GALNT11: variants seen among roughly 807,000 people sequenced by gnomAD.
GALNT11 encodes polypeptide N-acetylgalactosaminyltransferase 11.
GALNT11 carries 47 observed loss-of-function variants against 72.7 expected under a neutral mutation model. The observed-to-expected ratio is 0.65, with a 90% CI of 0.51 to 0.82. GALNT11 has a LOEUF of 0.82. GALNT11 is among the 40% of genes least tolerant of loss of function. GALNT11 has a pLI of 0.00. For synonymous variants in GALNT11, 270 were observed against 286.6 expected (o/e 0.94, Z 0.58); for missense variants, 677 against 778.4 (o/e 0.87, Z 1.55).
chr7:152,029,952 A>G (rs866744597), intron 1 of GALNT11, among the ~76,000 whole-genome samples: 2 of 152,276 alleles, frequency 1.3e-5, no homozygotes, highest in African/African-American at 4.8e-5. Flanking sequence ...TTACACTGAC[A>G]ACAAGGTGGT....
At chr7:152,120,451 C>T (rs1016917632) in intron 10 of GALNT11, 6 of 193,382 alleles carry the variant, frequency 3.1e-5, no homozygotes, top group Non-Finnish European at 6.3e-5. Flanking sequence ...GAGGCATCGA[C>T]GAAAATGGCA....
chr7:152,025,829 GA>G lies in GALNT11; in HGVS notation c.-92del. The G allele has an allele frequency of 3.5e-6, 1 of 283,504 alleles. No homozygotes were observed. The highest frequency in any genetic ancestry group is 2.7e-5 in the South Asian group (1 of 36,572). The allele number at this position is 283,504 out of a possible 1,614,324, so 17.6% of individuals were successfully genotyped here. Reference sequence around the variant, plus strand: ...GTCGGACTGGGGCTGTGGCGGGAGAGAAGATGCCGCAGCCCGAGTCCCAGAA... The same window carrying G: ...GTCGGACTGGGGCTGTGGCGGGAGAGAGATGCCGCAGCCCGAGTCCCAGAA... On this transcript the variant is annotated 5_prime_UTR_variant, in exon 1 of 12. Coordinates refer to ENST00000430044, the MANE Select transcript of GALNT11 (RefSeq NM_022087.4).
At chr7:152,047,749 GTAAA>G (rs749669537) in intron 1 of GALNT11, among the ~76,000 whole-genome samples, 16 of 150,766 alleles carry the variant, frequency 1.1e-4, no homozygotes, top group Admixed American at 2.6e-4. Flanking sequence ...ATATAAATAA[GTAAA>G]TAAATATATT....
intron 1 of GALNT11, among the ~76,000 whole-genome samples, chr7:152,035,960 C>G (rs7801249): frequency 0.15 from 23,296 of 152,050 alleles, 4,298 homozygotes; most frequent in African/African-American, 0.44. Context: ...GTGTCTTCTG[C>G]CCAGCTCTCT....
At position 152,094,650 on chromosome 7, in the gene GALNT11, C is replaced by A; in HGVS notation, c.295+128C>A. On this transcript the variant is annotated intron_variant, in intron 2 of 11. Coordinates refer to ENST00000430044, the MANE Select transcript of GALNT11 (RefSeq NM_022087.4). This position sits in a 1 kb window ranked among gnomAD's most constrained non-coding sequence, Gnocchi z 4.3. ...CCCACTGATTTATTTTGTTTGTGAA[C>A]TACCTGAAGTTCTGTGGTTTCTGCA... 1 of 1,083,850 alleles carries A rather than the reference C, an allele frequency of 9.2e-7. No individual in the cohort carries two copies. The highest frequency in any genetic ancestry group is 1.3e-6 in the Non-Finnish European group (1 of 778,428). The allele number at this position is 1,083,850 out of a possible 1,614,324, so 67.1% of individuals were successfully genotyped here.
intron 1 of GALNT11, among the ~76,000 whole-genome samples, chr7:152,026,521 TC>T (rs1247217919): frequency 1.3e-5 from 2 of 152,234 alleles, no homozygotes; most frequent in Non-Finnish European, 2.9e-5. Context: ...CAGCTTGTCT[TC>T]GCAGGTGAGG....
intron 1 of GALNT11, among the ~76,000 whole-genome samples, chr7:152,028,152 T>C (rs2082124288): frequency 1.3e-5 from 2 of 152,268 alleles, no homozygotes; most frequent in South Asian, 2.1e-4. Context: ...TTCCACAGCA[T>C]GGAAGGGGAC....
At chr7:152,110,454 G>A (rs991134948) in intron 6 of GALNT11, 74 bp from the exon 7 acceptor site, 3 of 995,446 alleles carry the variant, frequency 3.0e-6, no homozygotes, top group East Asian at 4.8e-5. Flanking sequence ...AAATGACACT[G>A]AGTATTTTAA....
At chr7:152,067,656 C>A (rs903100803) in intron 1 of GALNT11, among the ~76,000 whole-genome samples, 2 of 152,050 alleles carry the variant, frequency 1.3e-5, no homozygotes, top group Admixed American at 1.3e-4. Context: ...ATTTCCTGTC[C>A]CAGTCTTAGA....
In GALNT11 at chr7:152,113,361, C is replaced by T; in HGVS notation, c.1196C>T (p.Ser399Phe). Residue 399 changes from serine (S) to phenylalanine (F), a missense_variant, in exon 8 of 12, where the codon TCT becomes TTT. Coordinates refer to ENST00000430044, the MANE Select transcript of GALNT11 (RefSeq NM_022087.4). ...PEGQDTMTHN[S>F]LRLAHVWLDE... is the part of the protein sequence containing the mutation. ...GGCCAGGACACCATGACACACAACTCTTTGCGGCTGGCACATGTCTGGTTG... is the reference window on the plus strand; with the variant it reads ...GGCCAGGACACCATGACACACAACTTTTTGCGGCTGGCACATGTCTGGTTG... The T allele has an allele frequency of 6.2e-7, 1 of 1,613,986 alleles. No individual in the cohort carries two copies. Among genetic ancestry groups the T allele is most frequent in the Non-Finnish European group, 8.5e-7 (1 of 1,179,990 alleles).
chr7:152,069,418 G>A (rs1217038754), intron 1 of GALNT11, among the ~76,000 whole-genome samples: 2 of 152,152 alleles, frequency 1.3e-5, no homozygotes, highest in East Asian at 1.9e-4. Context: ...TTCTATAAAC[G>A]TCATTTAGAT....
At chr7:152,073,757 C>T (rs1012390067) in intron 1 of GALNT11, among the ~76,000 whole-genome samples, 1 of 152,114 alleles carries the variant, frequency 6.6e-6, no homozygotes, top group Non-Finnish European at 1.5e-5. Context: ...TATTCTCACC[C>T]GCAGAGTGTA....
intron 1 of GALNT11, among the ~76,000 whole-genome samples, chr7:152,056,201 C>G (rs1175904479): frequency 6.6e-6 from 1 of 152,218 alleles, no homozygotes; most frequent in Non-Finnish European, 1.5e-5. Context: ...CCAGCCCCAG[C>G]ATCACAGAAC....
intron 1 of GALNT11, among the ~76,000 whole-genome samples, chr7:152,063,448 G>A (rs978146846): frequency 3.9e-5 from 6 of 151,994 alleles, no homozygotes; most frequent in Admixed American, 1.3e-4. Context: ...AGGGTTTTTT[G>A]TGTCTCTATC....
intron 1 of GALNT11, among the ~76,000 whole-genome samples, chr7:152,033,059 C>T (rs10238954): frequency 0.033 from 4,980 of 152,200 alleles, 273 homozygotes; most frequent in African/African-American, 0.11. Flanking sequence ...TAAATGTACC[C>T]GGGGCTCAGT....
At chr7:152,090,165 C>CT (rs1216693159) in intron 1 of GALNT11, among the ~76,000 whole-genome samples, 1 of 152,192 alleles carries the variant, frequency 6.6e-6, no homozygotes, top group African/African-American at 2.4e-5. Context: ...CTAAAGTTAG[C>CT]TTGGCATACA....
chr7:152,051,173 C>T (rs1342971534), intron 1 of GALNT11, among the ~76,000 whole-genome samples: 3 of 132,020 alleles, frequency 2.3e-5, no homozygotes, highest in Non-Finnish European at 4.6e-5. Context: ...CTGGCTCTGC[C>T]TTTCCTCCTA....
At chr7:152,089,067 T>G (rs554359964) in intron 1 of GALNT11, among the ~76,000 whole-genome samples, 1 of 152,298 alleles carries the variant, frequency 6.6e-6, no homozygotes, top group East Asian at 1.9e-4. Flanking sequence ...GCAGGAGAAC[T>G]GGGCTTATCA....
intron 1 of GALNT11, among the ~76,000 whole-genome samples, chr7:152,050,205 G>A (rs1423395841): frequency 6.6e-6 from 1 of 152,016 alleles, no homozygotes; most frequent in African/African-American, 2.4e-5. Flanking sequence ...CCACATCTGG[G>A]AGTGTGCTGG....
Sources: gnomAD v4.1 joint callset for allele counts (sites outside exome capture counted in the v4.1 genomes callset) on GRCh38, gnomAD v4.1.1 for gene constraint, Gnocchi (gnomAD v3.1) non-coding constraint, MANE v1.5 for transcripts, NCBI Gene and HGNC (gene_info 2026-07-23, HGNC 2026-07-21) for gene names.